The following HDAC9 variants were observed in gnomAD, a reference collection of about 807,000 sequenced individuals.
The protein encoded by HDAC9 is histone deacetylase 9.
In HDAC9, 41 loss-of-function variants were observed where a neutral mutation model predicts 139.4. That is an observed-to-expected ratio of 0.29 (90% CI 0.23 to 0.38). HDAC9 has a LOEUF of 0.38. Ranked by LOEUF, HDAC9 falls within the 10% of genes least tolerant of loss-of-function variation. The pLI, the probability that HDAC9 is intolerant of heterozygous loss-of-function variation, is 1.00. For synonymous variants in HDAC9, 517 were observed against 476.2 expected, an observed-to-expected ratio of 1.09 and a Z score of -1.12; for missense variants, 1,147 against 1,297.0, an observed-to-expected ratio of 0.88 and a Z score of 1.78.
In HDAC9 at chr7:18,732,851, G is replaced by A. The variant is rs1178140; in HGVS notation, c.1909+5094G>A. ...TGTGCGTATGTGTACACACACGTGTGTATGTGTGCGTATGTGTACACACAC... is the reference window on the plus strand; with the variant it reads ...TGTGCGTATGTGTACACACACGTGTATATGTGTGCGTATGTGTACACACAC... On this transcript the variant is annotated intron_variant, in intron 13 of 25. Transcript: ENST00000686413. Among the ~76,000 whole-genome samples, 99 of 49,754 alleles carry A rather than the reference G, an allele frequency of 2.0e-3. 3 individuals are homozygous for A. The highest frequency in any genetic ancestry group is 0.015 in the East Asian group (11 of 758). The allele number at this position is 49,754 out of a possible 152,430, so 32.6% of individuals were successfully genotyped here.
At chr7:18,949,754 CT>C (rs1782662483) in intron 23 of HDAC9, 4 of 152,020 alleles carry the variant, frequency 2.6e-5, no homozygotes, top group African/African-American at 9.7e-5. Flanking sequence ...TCCATCAAAT[CT>C]TCTATGGGTT....
intron 1 of HDAC9, among the ~76,000 whole-genome samples, chr7:18,328,028 G>T (rs1800603344): frequency 6.6e-6 from 1 of 151,916 alleles, no homozygotes; most frequent in African/African-American, 2.4e-5. Context: ...ATTATGACTG[G>T]AAAACATCAG....
At chr7:18,356,364 T>TTTTTTTG (rs1783287956) in intron 1 of HDAC9, among the ~76,000 whole-genome samples, 1 of 139,610 alleles carries the variant, frequency 7.2e-6, no homozygotes, top group Admixed American at 7.2e-5. Context: ...ATAGGTTTTT[T>TTTTTTTG]TTTTTTTTTT....
At chr7:18,181,437 A>G (rs975723517) in intron 2 of HDAC9, among the ~76,000 whole-genome samples, 1 of 152,182 alleles carries the variant, frequency 6.6e-6, no homozygotes, top group African/African-American at 2.4e-5. Context: ...AATTCTTTGT[A>G]TGTCTCCTTT....
chr7:18,218,673 G>GT (rs1025028737), intron 2 of HDAC9, among the ~76,000 whole-genome samples: 1 of 151,970 alleles, frequency 6.6e-6, no homozygotes, highest in African/African-American at 2.4e-5. Context: ...GATCTTCCAG[G>GT]TTTTTGTTTT....
chr7:18,172,235 G>C (rs181864542), intron 2 of HDAC9, among the ~76,000 whole-genome samples: 1 of 152,040 alleles, frequency 6.6e-6, no homozygotes, highest in African/African-American at 2.4e-5. Context: ...TTTGCATAGC[G>C]GTTTTTATAG....
chr7:18,937,361 A>G (rs932928227), intron 23 of HDAC9, among the ~76,000 whole-genome samples: 2 of 152,078 alleles, frequency 1.3e-5, no homozygotes, highest in African/African-American at 4.8e-5. Context: ...TAGACAGCAC[A>G]GTAACTCAAA....
chr7:18,413,073 C>G (rs1181154803), intron 1 of HDAC9, among the ~76,000 whole-genome samples: 1 of 152,126 alleles, frequency 6.6e-6, no homozygotes, highest in Non-Finnish European at 1.5e-5. Context: ...TGTCTACCTA[C>G]TAAAATTTCA....
At chr7:18,448,448 G>T (rs1212673265) in intron 1 of HDAC9, among the ~76,000 whole-genome samples, 1 of 152,040 alleles carries the variant, frequency 6.6e-6, no homozygotes, top group Non-Finnish European at 1.5e-5. Context: ...GAAATGGTTT[G>T]GTACCTTTTC....
chr7:18,600,620 A>G (rs1446384184), intron 6 of HDAC9, among the ~76,000 whole-genome samples: 2 of 152,198 alleles, frequency 1.3e-5, no homozygotes, highest in East Asian at 1.9e-4. Context: ...TCTCTATTCT[A>G]CTTCACTGAT....
intron 23 of HDAC9, among the ~76,000 whole-genome samples, chr7:18,946,036 C>CAAAATAAA (rs1563077235): frequency 6.5e-4 from 25 of 38,276 alleles, no homozygotes; most frequent in Admixed American, 2.4e-3. Context: ...GACTCCGTCT[C>CAAAATAAA]AAAAAAAAAA....
chr7:18,461,992 C>T (rs867953721), intron 1 of HDAC9, among the ~76,000 whole-genome samples: 64 of 151,852 alleles, frequency 4.2e-4, no homozygotes, highest in Admixed American at 8.5e-4. Context: ...GCAGTGTGGT[C>T]GTGATCACTA....
intron 2 of HDAC9, among the ~76,000 whole-genome samples, chr7:18,180,156 T>C (rs574126655): frequency 2.0e-5 from 3 of 151,920 alleles, no homozygotes; most frequent in African/African-American, 7.2e-5. Context: ...TTGCCTTGCT[T>C]CATCTTTTGA....
At chr7:18,087,023 C>T (rs1214292206) in exon 1 of HDAC9, 4 of 151,574 alleles carry the variant, frequency 2.6e-5, no homozygotes, top group Admixed American at 2.6e-4. Flanking sequence ...CTCTAGCGCC[C>T]GCCGCGGCCG....
chr7:18,425,293 A>G (rs1790013275), intron 1 of HDAC9, among the ~76,000 whole-genome samples: 2 of 152,342 alleles, frequency 1.3e-5, no homozygotes, highest in South Asian at 2.1e-4. Context: ...TAGTTGTAAA[A>G]TGCCAGTTTG....
At chr7:18,515,791 A>G (rs773160485) in intron 2 of HDAC9, among the ~76,000 whole-genome samples, 1 of 152,224 alleles carries the variant, frequency 6.6e-6, no homozygotes, top group Non-Finnish European at 1.5e-5. Context: ...ATGAATATTC[A>G]TGGGATAAGT....
intron 12 of HDAC9, among the ~76,000 whole-genome samples, chr7:18,698,494 C>T (rs896724223): frequency 2.0e-4 from 31 of 152,196 alleles, no homozygotes; most frequent in Admixed American, 6.5e-5. Flanking sequence ...CTTTTAATAG[C>T]TTGCCACACT....
At chr7:18,678,991 G>C (rs895623870) in intron 12 of HDAC9, among the ~76,000 whole-genome samples, 15 of 151,940 alleles carry the variant, frequency 9.9e-5, no homozygotes, top group African/African-American at 3.1e-4. Context: ...AGGGGTGGAT[G>C]ACACCAGGGA....
At position 18,251,183 on chromosome 7, in the gene HDAC9, G is replaced by A. The variant is rs117396253; in HGVS notation, c.25+88834G>A. On this transcript the variant is annotated intron_variant, in intron 2 of 12. Coordinates refer to the HDAC9 transcript ENST00000417496. The stretch of plus-strand genomic sequence containing the variant: ...ATGGAATACCATGCATCTGTAGAAA[G>A]GAGTGAGATCATGTCCTTTGCAGGG... Among the ~76,000 whole-genome samples, 131 of 152,272 alleles carry A rather than the reference G, an allele frequency of 8.6e-4. No individual in the cohort carries two copies. In the East Asian group the frequency reaches 0.022, roughly 25 times the overall value.
Sources: gnomAD v4.1 joint callset for allele counts (sites outside exome capture counted in the v4.1 genomes callset) on GRCh38, gnomAD v4.1.1 for gene constraint, MANE v1.5 for transcripts, NCBI Gene and HGNC (gene_info 2026-07-23, HGNC 2026-07-21) for gene names.